The following RYR3 variants were observed in gnomAD, a reference collection of about 807,000 sequenced individuals.
RYR3 encodes the protein brain ryanodine receptor-calcium release channel.
In RYR3, 207 loss-of-function variants were observed where a neutral mutation model predicts 584.3. The observed-to-expected ratio is 0.35, with a 90% CI of 0.32 to 0.40. The LOEUF (loss-of-function observed/expected upper bound fraction) is 0.40. Among genes scored for constraint, RYR3 ranks in the 10% least tolerant of loss-of-function variants. The pLI is 1.00. For synonymous variants in RYR3, 2,416 were observed against 2,248.5 expected (o/e 1.07, Z -2.11); for missense variants, 5,616 against 6,089.2 (o/e 0.92, Z 2.59).
At chr15:33,862,999 A>ACAT (rs1412869388) in intron 102 of RYR3, among the ~76,000 whole-genome samples, 1 of 152,220 alleles carries the variant, frequency 6.6e-6, no homozygotes, top group East Asian at 1.9e-4. Flanking sequence ...AAGAGAATAT[A>ACAT]CATCTTAATG....
intron 70 of RYR3, among the ~76,000 whole-genome samples, chr15:33,808,465 T>TAA (rs1056024586): frequency 1.3e-5 from 2 of 152,218 alleles, no homozygotes; most frequent in African/African-American, 4.8e-5. Flanking sequence ...TTAGATTGTG[T>TAA]AATCAAATCC....
At chr15:33,656,731 T>C (rs920516536) in intron 32 of RYR3, among the ~76,000 whole-genome samples, 5 of 152,180 alleles carry the variant, frequency 3.3e-5, no homozygotes, top group African/African-American at 4.8e-5. Context: ...GAGGCCCCTG[T>C]TTCCTTGCTG....
At chr15:33,561,666 G>A (rs940993438) in intron 10 of RYR3, among the ~76,000 whole-genome samples, 1 of 151,626 alleles carries the variant, frequency 6.6e-6, no homozygotes, top group African/African-American at 2.4e-5. Flanking sequence ...GCTTGAGCCT[G>A]GGAGTTCAAG....
chr15:33,630,218 A>G (rs1317348868), intron 22 of RYR3, among the ~76,000 whole-genome samples, 175 bp downstream of exon 22: 1 of 152,208 alleles, frequency 6.6e-6, no homozygotes, highest in African/African-American at 2.4e-5. Flanking sequence ...CACCATTATT[A>G]TTGACTATAT....
chr15:33,585,664 A>T (rs1478044360), intron 15 of RYR3, among the ~76,000 whole-genome samples: 1 of 152,202 alleles, frequency 6.6e-6, no homozygotes, highest in Non-Finnish European at 1.5e-5. Context: ...TTTTAAATGA[A>T]GTATTATGTG....
chr15:33,781,883 T>G (rs1338407976), intron 65 of RYR3, among the ~76,000 whole-genome samples: 12 of 152,032 alleles, frequency 7.9e-5, no homozygotes, highest in African/African-American at 2.9e-4. Flanking sequence ...TCCAACCTTT[T>G]TTTTACTTCC....
In RYR3 at chr15:33,563,013, G is replaced by A. The variant is rs192358229; in HGVS notation, c.1146+3G>A. 9 of 1,606,720 alleles carry A rather than the reference G, an allele frequency of 5.6e-6. No individual in the cohort carries two copies. In the Admixed American group the frequency reaches 1.5e-4, roughly 27 times the overall value. On this transcript the variant is annotated splice_donor_region_variant and intron_variant, in intron 11 of 103. Transcript: ENST00000634891. ...GCCTGGGACCTCTAAAAAGAAAGGT[G>A]AGAGTCAGAATATCTGTCTACAATT...
intron 20 of RYR3, among the ~76,000 whole-genome samples, chr15:33,628,131 T>C (rs12593948): frequency 0.14 from 20,809 of 152,160 alleles, 1,858 homozygotes; most frequent in East Asian, 0.42. Context: ...AAAGAGACCA[T>C]GGTTAGAAAT....
intron 1 of RYR3, among the ~76,000 whole-genome samples, chr15:33,331,336 C>T (rs2140671296): frequency 6.6e-6 from 1 of 152,212 alleles, no homozygotes; most frequent in African/African-American, 2.4e-5. Flanking sequence ...TAAATCCATT[C>T]CACCTATTAT....
chr15:33,356,816 T>C (rs898852398), intron 1 of RYR3, among the ~76,000 whole-genome samples: 8 of 152,208 alleles, frequency 5.3e-5, no homozygotes, highest in Admixed American at 5.2e-4. Flanking sequence ...CATTTAACTC[T>C]CCTCTAATGT....
At chr15:33,474,191 A>G (rs1485089542) in intron 2 of RYR3, among the ~76,000 whole-genome samples, 1 of 152,180 alleles carries the variant, frequency 6.6e-6, no homozygotes, top group Admixed American at 6.5e-5. Context: ...GAAAACCTCT[A>G]TATCCGTCAG....
At chr15:33,646,611 A>G (rs2062117404) in intron 29 of RYR3, 85 bp downstream of exon 29, 2 of 1,243,066 alleles carry the variant, frequency 1.6e-6, no homozygotes, top group South Asian at 2.9e-5. Context: ...AACTCAGCAT[A>G]GGAACTCCAC....
chr15:33,863,691 A>G (rs1889363780), intron 102 of RYR3, among the ~76,000 whole-genome samples: 1 of 152,218 alleles, frequency 6.6e-6, no homozygotes, highest in Non-Finnish European at 1.5e-5. Flanking sequence ...TCTCCATGAG[A>G]TTAAATACTT....
At chr15:33,434,148 T>A (rs1273912592) in intron 1 of RYR3, among the ~76,000 whole-genome samples, 1 of 152,212 alleles carries the variant, frequency 6.6e-6, no homozygotes, top group African/African-American at 2.4e-5. Context: ...TAGTTGATGA[T>A]ATCATCAAGG....
intron 9 of RYR3, 71 bp downstream of exon 9, chr15:33,548,275 T>C (rs1233323905): frequency 2.2e-6 from 2 of 913,070 alleles, no homozygotes; most frequent in Non-Finnish European, 3.4e-6. Flanking sequence ...CTCTTAAATA[T>C]TTCATTCATT....
chr15:33,766,288 G>GAAAGAAAAACCACCTCAA (rs2073055034), intron 60 of RYR3, among the ~76,000 whole-genome samples: 1 of 134,064 alleles, frequency 7.5e-6, no homozygotes, highest in South Asian at 2.3e-4. Flanking sequence ...ACCTCAAAAA[G>GAAAGAAAAACCACCTCAA]AAAAAAAAAA....
intron 69 of RYR3, among the ~76,000 whole-genome samples, chr15:33,804,957 C>T (rs1226984855): frequency 6.6e-6 from 1 of 152,164 alleles, no homozygotes; most frequent in Non-Finnish European, 1.5e-5. Context: ...AGAAAATATA[C>T]AGTGAGCCAC....
chr15:33,457,413 T>G (rs951304597), intron 1 of RYR3, among the ~76,000 whole-genome samples: 1 of 152,168 alleles, frequency 6.6e-6, no homozygotes, highest in Non-Finnish European at 1.5e-5. Flanking sequence ...TATTCAGCCA[T>G]AAAGAATAAA....
At chr15:33,530,309 A>G (rs1181397934) in intron 3 of RYR3, among the ~76,000 whole-genome samples, 1 of 152,162 alleles carries the variant, frequency 6.6e-6, no homozygotes, top group African/African-American at 2.4e-5. Context: ...TGTCACTTAC[A>G]TGCTTCTCTG....
Sources: gnomAD v4.1 joint callset for allele counts (sites outside exome capture counted in the v4.1 genomes callset) on GRCh38, gnomAD v4.1.1 for gene constraint, MANE v1.5 for transcripts, NCBI Gene and HGNC (gene_info 2026-07-23, HGNC 2026-07-21) for gene names.